Variants in ELFN1 observed in about 807,000 individuals in gnomAD.
The protein encoded by ELFN1 is protein ELFN1.
Under a neutral mutation model 7.6 loss-of-function variants are expected in ELFN1, and 6 were observed. The observed-to-expected ratio is 0.79, with a 90% confidence interval of 0.43 to 1.56. The LOEUF is 1.56. Among genes scored for constraint, ELFN1 ranks in the 40% most tolerant of loss-of-function variants. The pLI is 0.01. For missense variants in ELFN1, 1,169 were observed against 1,232.2 expected (o/e 0.95, Z 0.77); for synonymous variants, 657 against 588.1 (o/e 1.12, Z -1.70).
intron 1 of ELFN1, among the ~76,000 whole-genome samples, chr7:1,676,149 A>G (rs1583307507): frequency 1.3e-5 from 2 of 152,302 alleles, no homozygotes; most frequent in South Asian, 2.1e-4. Flanking sequence ...ACCTCTGCCT[A>G]AAGGGTGCTG....
chr7:1,717,490 G>A (rs78395187), intron 3 of ELFN1, among the ~76,000 whole-genome samples: 16,444 of 152,232 alleles, frequency 0.11, 1,134 homozygotes, highest in East Asian at 0.22. Flanking sequence ...ACATGCTACG[G>A]TCCTACTGTG....
chr7:1,707,558 A>G (rs1779561317), intron 2 of ELFN1, among the ~76,000 whole-genome samples: 1 of 152,200 alleles, frequency 6.6e-6, no homozygotes, highest in African/African-American at 2.4e-5. Context: ...CGGGCTGGGT[A>G]GACGGCAGGG....
At chr7:1,726,817 C>T (rs756246086) in intron 3 of ELFN1, among the ~76,000 whole-genome samples, 5 of 152,186 alleles carry the variant, frequency 3.3e-5, no homozygotes, top group African/African-American at 4.8e-5. Context: ...TGGGATGCCT[C>T]CTCCACCAGA....
chr7:1,677,316 G>T, intron 1 of ELFN1, among the ~76,000 whole-genome samples: 1 of 152,134 alleles, frequency 6.6e-6, no homozygotes, highest in East Asian at 1.9e-4. Flanking sequence ...AACCCCTCAG[G>T]GTGCCCACAG....
chr7:1,679,757 C>T (rs1476096386), intron 1 of ELFN1, among the ~76,000 whole-genome samples: 2 of 152,212 alleles, frequency 1.3e-5, no homozygotes, highest in Non-Finnish European at 2.9e-5. Context: ...CTTCCCCCTG[C>T]CCCCTGGCCA....
intron 2 of ELFN1, among the ~76,000 whole-genome samples, chr7:1,690,520 G>A (rs1056953818): frequency 9.2e-5 from 14 of 151,744 alleles, no homozygotes; most frequent in African/African-American, 3.1e-4. Flanking sequence ...GGATGGATTG[G>A]TGGGTGGATG....
chr7:1,674,884 G>A (rs140565716), intron 1 of ELFN1, among the ~76,000 whole-genome samples: 145 of 152,268 alleles, frequency 9.5e-4, no homozygotes, highest in Non-Finnish European at 1.7e-3. Context: ...GCCATCACCA[G>A]GTCCACTGTG....
At chr7:1,689,423 C>CA (rs1779115647) in intron 2 of ELFN1, among the ~76,000 whole-genome samples, 1 of 152,180 alleles carries the variant, frequency 6.6e-6, no homozygotes. Flanking sequence ...GGGAGGAACA[C>CA]AGATTCCCGG....
chr7:1,702,958 G>A (rs1335969525), intron 2 of ELFN1, among the ~76,000 whole-genome samples: 1 of 152,144 alleles, frequency 6.6e-6, no homozygotes, highest in South Asian at 2.1e-4. Context: ...CATGTTAAGA[G>A]TTTAGATCTG....
chr7:1,714,830 A>G (rs1459890934), intron 3 of ELFN1, among the ~76,000 whole-genome samples: 3 of 152,238 alleles, frequency 2.0e-5, no homozygotes, highest in Admixed American at 6.5e-5. Context: ...TAAACACTGC[A>G]TGGTTGAACC....
At chr7:1,717,122 G>T (rs1344572303) in intron 3 of ELFN1, among the ~76,000 whole-genome samples, 1 of 152,160 alleles carries the variant, frequency 6.6e-6, no homozygotes, top group African/African-American at 2.4e-5. Context: ...TAACACCACA[G>T]CCCTGAGCGA....
chr7:1,718,930 C>T (rs949605575), intron 3 of ELFN1, among the ~76,000 whole-genome samples: 2 of 152,176 alleles, frequency 1.3e-5, no homozygotes, highest in Non-Finnish European at 2.9e-5. Flanking sequence ...AGCCACACTC[C>T]AGGGGTTCTT....
At chr7:1,691,302 C>G (rs886106938) in intron 2 of ELFN1, among the ~76,000 whole-genome samples, 1 of 152,210 alleles carries the variant, frequency 6.6e-6, no homozygotes, top group Non-Finnish European at 1.5e-5. Flanking sequence ...GAGGTTGATG[C>G]AGGGAGTCTG....
At chr7:1,707,927 G>A (rs929663939) in intron 2 of ELFN1, among the ~76,000 whole-genome samples, 9 of 152,226 alleles carry the variant, frequency 5.9e-5, no homozygotes, top group African/African-American at 1.4e-4. Flanking sequence ...CAGACAGACC[G>A]GGGGGCCCCT....
At chr7:1,679,000 G>A (rs907843249) in intron 1 of ELFN1, among the ~76,000 whole-genome samples, 2 of 152,074 alleles carry the variant, frequency 1.3e-5, no homozygotes, top group Non-Finnish European at 2.9e-5. Flanking sequence ...GGAGAGGAGA[G>A]GCCTGGGGAC....
chr7:1,708,552 A>C (rs545200485), intron 2 of ELFN1, among the ~76,000 whole-genome samples: 1 of 152,174 alleles, frequency 6.6e-6, no homozygotes, highest in Non-Finnish European at 1.5e-5. Flanking sequence ...GGGAGGTGCC[A>C]GGGAGAGGGC....
intron 2 of ELFN1, chr7:1,693,306 C>G (rs547789992): frequency 2.2e-6 from 1 of 457,240 alleles, no homozygotes; most frequent in Non-Finnish European, 4.6e-6. Context: ...CCCATCGGGG[C>G]AGCCTCAGAA....
intron 3 of ELFN1, among the ~76,000 whole-genome samples, chr7:1,738,307 G>A (rs779837283): frequency 2.6e-5 from 4 of 152,184 alleles, no homozygotes; most frequent in Admixed American, 6.5e-5. Flanking sequence ...TGCACAGACC[G>A]ATGAGACCTG....
rs1257476867 is a variant in ELFN1, at chr7:1,745,530, C to A, written c.934C>A (p.Gln312Lys). ...PLVALPTLAT[Q>K]AEARPLIKVK... ...GGTGGCCCTGCCCACGCTGGCCACG[C>A]AGGCCGAGGCCCGCCCCCTCATCAA... Residue 312 changes from glutamine to lysine, a missense_variant, in exon 4 of 4, where the codon CAG becomes AAG. Physicochemically the swap from Gln to Lys is moderately conservative, Grantham distance 53. This residue lies in a region of ELFN1 where 914 missense variants were observed against 872.6 expected (regional missense o/e 1.05). Transcript: ENST00000424383. 1 of 1,547,506 alleles carries A rather than the reference C, an allele frequency of 6.5e-7. No individual in the cohort carries two copies. The highest frequency in any genetic ancestry group is 8.7e-7 in the Non-Finnish European group (1 of 1,146,894).
Sources: gnomAD v4.1 joint callset for allele counts (sites outside exome capture counted in the v4.1 genomes callset) on GRCh38, gnomAD v4.1.1 for gene constraint, gnomAD v4.1.1 regional missense constraint, MANE v1.5 for transcripts, NCBI Gene and HGNC (gene_info 2026-07-23, HGNC 2026-07-21) for gene names.